Variants in FHL3 observed in about 807,000 individuals in gnomAD.
The protein encoded by FHL3 is four and a half LIM domains 3, also known as four and a half LIM domains protein 3.
FHL3 carries 21 observed loss-of-function variants against 34.3 expected under a neutral mutation model. That is an observed-to-expected ratio of 0.61 (90% CI 0.43 to 0.88). The LOEUF is 0.88. Among genes scored for constraint, FHL3 ranks in the 40% least tolerant of loss-of-function variants. The pLI is 0.00. For missense variants in FHL3, 333 were observed against 373.7 expected (o/e 0.89, Z 0.90); for synonymous variants, 137 against 144.6 (o/e 0.95, Z 0.38).
At chr1:38,003,065 G>A (rs1397421202) in intron 1 of FHL3, among the ~76,000 whole-genome samples, 3 of 152,062 alleles carry the variant, frequency 2.0e-5, no homozygotes, top group Admixed American at 2.0e-4. Context: ...GGCTGAGGCA[G>A]GAGAATTGCT....
chr1:38,004,076 C>T (rs756989391), intron 1 of FHL3, among the ~76,000 whole-genome samples: 28 of 152,044 alleles, frequency 1.8e-4, no homozygotes, highest in Non-Finnish European at 3.7e-4. Context: ...GGGGAGAAAT[C>T]CAACTCCCTC....
intron 1 of FHL3, among the ~76,000 whole-genome samples, chr1:38,001,816 C>A (rs910720652): frequency 6.6e-6 from 1 of 152,204 alleles, no homozygotes; most frequent in Non-Finnish European, 1.5e-5. Flanking sequence ...GTGTATGGAG[C>A]AGCTCAAGCT....
At chr1:38,003,752 C>T (rs1646617893) in intron 1 of FHL3, among the ~76,000 whole-genome samples, 1 of 152,144 alleles carries the variant, frequency 6.6e-6, no homozygotes, top group African/African-American at 2.4e-5. Context: ...TCCCCTGCCT[C>T]CCAGCCCAGA....
In FHL3 at chr1:38,005,368, C is replaced by CGGCGGGAGCGGGGAGCGCGCGGCGCA. The variant is rs1646634193; in HGVS notation, c.-58_-33dup. The stretch of plus-strand genomic sequence containing the variant: ...GGCGGGGCGCTCACCTCGAAGCGGG[C>CGGCGGGAGCGGGGAGCGCGCGGCGCA]GGCGGGAGCGGGGAGCGCGCGGCGC... On this transcript the variant is annotated 5_prime_UTR_variant, in exon 1 of 6. Transcript: ENST00000373016. 1 of 149,536 alleles carries CGGCGGGAGCGGGGAGCGCGCGGCGCA rather than the reference C, an allele frequency of 6.7e-6. No individual in the cohort carries two copies. The highest frequency in any genetic ancestry group is 2.0e-4 in the East Asian group (1 of 5,128). The allele number at this position is 149,536 out of a possible 1,614,324, so 9.3% of individuals were successfully genotyped here.
At chr1:38,002,821 G>A (rs374122750) in intron 1 of FHL3, among the ~76,000 whole-genome samples, 15 of 151,510 alleles carry the variant, frequency 9.9e-5, no homozygotes, top group East Asian at 5.8e-4. Flanking sequence ...CTGTTGCCAG[G>A]GCTGGAGTGC....
At position 37,999,153 on chromosome 1, in the gene FHL3, G is replaced by A; in HGVS notation, c.157-5C>T. 6.2e-7 allele frequency: 1 copy of A among 1,614,158 alleles called. No individual in the cohort carries two copies. The highest frequency in any genetic ancestry group is 8.5e-7 in the Non-Finnish European group (1 of 1,180,018). ...GCGGTCTTCATAGAACAGCTCCTGT[G>A]GGGAACACAGCAGGGGCACTGGCAC... On this transcript the variant is annotated splice_region_variant and splice_polypyrimidine_tract_variant and intron_variant, in intron 2 of 5. Coordinates refer to ENST00000373016, the MANE Select transcript of FHL3 (RefSeq NM_004468.5).
At position 38,000,200 on chromosome 1, in the gene FHL3, T is replaced by C. The variant is rs558285816; in HGVS notation, c.-20-768A>G. The stretch of plus-strand genomic sequence containing the variant: ...TTGGACAGCCTTGGCCTGTAACATC[T>C]GCAGCAGCTGTGGCGGCACAGATGG... On this transcript the variant is annotated intron_variant, in intron 1 of 5. Coordinates refer to ENST00000373016, the MANE Select transcript of FHL3 (RefSeq NM_004468.5). Among the ~76,000 whole-genome samples, 8 of 152,296 alleles carry C rather than the reference T, an allele frequency of 5.3e-5. 1 individual carries two copies. Among genetic ancestry groups the C allele is most frequent in the African/African-American group, 1.9e-4 (8 of 41,558 alleles).
At chr1:38,002,854 G>A (rs958343561) in intron 1 of FHL3, among the ~76,000 whole-genome samples, 1 of 151,586 alleles carries the variant, frequency 6.6e-6, no homozygotes, top group Admixed American at 6.6e-5. Context: ...ATGGCTCACG[G>A]CAGCCTCGAA....
intron 1 of FHL3, among the ~76,000 whole-genome samples, chr1:38,002,146 TG>T (rs1646601939): frequency 1.3e-5 from 2 of 151,440 alleles, no homozygotes; most frequent in African/African-American, 4.9e-5. Flanking sequence ...TCGCCCAGGC[TG>T]GGGTACAGTG....
intron 3 of FHL3, 111 bp downstream of exon 3, chr1:37,998,863 G>C: frequency 9.1e-7 from 1 of 1,103,784 alleles, no homozygotes; most frequent in South Asian, 1.5e-5. Context: ...CCAGAAACAT[G>C]CTGTGTATGC....
chr1:37,997,983 G>T lies in FHL3; in HGVS notation c.481C>A (p.Arg161Ser). 1 of 1,614,128 alleles carries T rather than the reference G, an allele frequency of 6.2e-7. No individual in the cohort carries two copies. The highest frequency in any genetic ancestry group is 1.3e-5 in the African/African-American group (1 of 75,036). Reference sequence around the variant, plus strand: ...CCCACCTTGCTGCAGCGGGCGCAGCGAGGAGCAAACTTGTTCTCATAGCAG... The same window carrying T: ...CCCACCTTGCTGCAGCGGGCGCAGCTAGGAGCAAACTTGTTCTCATAGCAG... ...VPCYENKFAPRCARCSKTLTQ... is the reference protein window; with the variant it reads ...VPCYENKFAPSCARCSKTLTQ... The change falls in exon 4 of 6, where the codon CGC becomes AGC. Residue 161 changes from arginine to serine, a missense_variant. Arg to Ser is a moderately radical substitution (Grantham distance 110, BLOSUM62 -1). Transcript: ENST00000373016. This position sits in a 1 kb window ranked among gnomAD's most constrained non-coding sequence, Gnocchi z 4.3.
intron 1 of FHL3, among the ~76,000 whole-genome samples, chr1:38,003,616 C>A (rs1327829795): frequency 1.3e-5 from 2 of 152,172 alleles, no homozygotes; most frequent in East Asian, 1.9e-4. Context: ...AAGTCCATGC[C>A]CACCACAATC....
At chr1:37,998,450 C>T (rs950843312) in intron 3 of FHL3, among the ~76,000 whole-genome samples, 5 of 152,100 alleles carry the variant, frequency 3.3e-5, no homozygotes, top group African/African-American at 1.2e-4. Flanking sequence ...CCTCATATAA[C>T]AGATGTGATG....
chr1:37,999,107 G>A lies in FHL3; in HGVS notation c.198C>T (p.Phe66=). The A allele has an allele frequency of 6.2e-7, 1 of 1,614,192 alleles. No homozygotes were observed. Among genetic ancestry groups the A allele is most frequent in the Non-Finnish European group, 8.5e-7 (1 of 1,180,034 alleles). The stretch of plus-strand genomic sequence containing the variant: ...GTGAGCGCTGGCAGCGGCAGCAGCG[G>A]AAGCAGCCCTCGTGGAAATGGCGGT... ...YEDRHFHEGC[F]RCCRCQRSLA... Residue 66 remains phenylalanine, a synonymous_variant, in exon 3 of 6, where the codon TTC becomes TTT. Coordinates refer to ENST00000373016, the MANE Select transcript of FHL3 (RefSeq NM_004468.5).
At chr1:38,002,425 G>C (rs574537063) in intron 1 of FHL3, among the ~76,000 whole-genome samples, 2 of 152,026 alleles carry the variant, frequency 1.3e-5, no homozygotes, top group East Asian at 3.9e-4. Context: ...ATAGAGATGG[G>C]GTCTCAATAT....
intron 1 of FHL3, among the ~76,000 whole-genome samples, chr1:38,000,152 C>T (rs920076691): frequency 6.6e-6 from 1 of 152,238 alleles, no homozygotes; most frequent in African/African-American, 2.4e-5. Context: ...CTCATCCCCC[C>T]ACCCCCGCTG....
In FHL3 at chr1:37,997,812, A is replaced by C; in HGVS notation, c.560T>G (p.Val187Gly). 6.2e-7 allele frequency: 1 copy of C among 1,614,056 alleles called. No homozygotes were observed. The highest frequency in any genetic ancestry group is 1.3e-5 in the African/African-American group (1 of 75,004). ...RDQPWHRECL[V>G]CTGCQTPLAG... ...CAGGGGCGTCTGGCATCCGGTACAG[A>C]CCAGACATTCTCGATGCCACGGCTG... is the stretch of plus-strand genomic sequence containing the variant. The change falls in exon 5 of 6, where the codon GTC (valine) becomes GGC (glycine). Residue 187 changes from valine (V) to glycine (G), a missense_variant. Physicochemically the swap from Val to Gly is moderately radical, Grantham distance 109. Transcript: ENST00000373016. This position sits in a 1 kb window ranked among gnomAD's most constrained non-coding sequence, Gnocchi z 4.3.
At chr1:38,001,430 C>G (rs920433292) in intron 1 of FHL3, among the ~76,000 whole-genome samples, 7 of 152,226 alleles carry the variant, frequency 4.6e-5, no homozygotes, top group Admixed American at 2.6e-4. Context: ...GGGTCCACCC[C>G]CTGAGAGACA....
At chr1:38,003,718 C>T (rs1269023246) in intron 1 of FHL3, among the ~76,000 whole-genome samples, 3 of 152,148 alleles carry the variant, frequency 2.0e-5, no homozygotes, top group Non-Finnish European at 2.9e-5. Context: ...AGGTTCATGC[C>T]CAAGGTCCCG....
Sources: allele counts gnomAD v4.1 joint callset (sites outside exome capture counted in the v4.1 genomes callset), GRCh38; gene constraint gnomAD v4.1.1; non-coding constraint Gnocchi (gnomAD v3.1); transcripts MANE v1.5; gene names NCBI Gene and HGNC (gene_info 2026-07-23, HGNC 2026-07-21).